The following CAD variants were observed in gnomAD, a reference collection of about 807,000 sequenced individuals.
CAD encodes multifunctional protein CAD.
In CAD, 81 loss-of-function variants were observed where a neutral mutation model predicts 237.2. That is an observed-to-expected ratio of 0.34 (90% CI 0.29 to 0.41). CAD has a LOEUF of 0.41. Among genes scored for constraint, CAD ranks in the 10% least tolerant of loss-of-function variants. CAD has a pLI of 1.00. For missense variants in CAD, 2,181 were observed against 2,951.7 expected (o/e 0.74, Z 6.05); for synonymous variants, 1,196 against 1,162.8 (o/e 1.03, Z -0.58).
chr2:27,233,834 T>C lies in CAD; in HGVS notation c.3399+26T>C. The C allele has an allele frequency of 6.2e-7, 1 of 1,610,592 alleles. No homozygotes were observed. The highest frequency in any genetic ancestry group is 8.5e-7 in the Non-Finnish European group (1 of 1,178,186). Reference sequence around the variant, plus strand: ...GTGGGAGGCTGCAGACAGTGAAGTCTCTGAGGGCATGCTGCCAGCCCTGGA... The same window carrying C: ...GTGGGAGGCTGCAGACAGTGAAGTCCCTGAGGGCATGCTGCCAGCCCTGGA... On this transcript the variant is annotated intron_variant, in intron 21 of 43. Transcript: ENST00000264705. This position sits in a 1 kb window ranked among gnomAD's most constrained non-coding sequence, Gnocchi z 6.3.
chr2:27,223,108 G>A, intron 6 of CAD, 71 bp downstream of exon 6: 1 of 1,498,832 alleles, frequency 6.7e-7, no homozygotes, highest in South Asian at 1.1e-5. Flanking sequence ...GGAATGAGAA[G>A]AGAGTTGGTG....
rs1198431979 is a variant in CAD at position 27,231,462 on chromosome 2, TTC to T, written c.2288-5_2288-4del. 6.4e-7 allele frequency: 1 copy of T among 1,557,916 alleles called. No individual in the cohort carries two copies. ...CACCTTCATTCCTTCCATTCTGTTC[TTC>T]CAGGTGAAGTCATGGGCATTGGGCG... On this transcript the variant is annotated splice_polypyrimidine_tract_variant and splice_region_variant and intron_variant, in intron 15 of 43. Coordinates refer to ENST00000264705, the MANE Select transcript of CAD (RefSeq NM_004341.5).
At position 27,222,447 on chromosome 2, in the gene CAD, G is replaced by GT. The variant is rs3214689; in HGVS notation, c.496-70dup. The GT allele has an allele frequency of 0.24, 383,258 of 1,583,846 alleles. 49,341 individuals are homozygous for GT. The highest frequency in any genetic ancestry group is 0.46 in the Admixed American group (27,147 of 59,010). ...ATCAAAGGAGGCTTTGAAGGTAGGA[G>GT]TTGGTGCAGGCATATCTTATACCCA... On this transcript the variant is annotated intron_variant, in intron 4 of 43. Transcript: ENST00000264705.
chr2:27,217,428 C>T lies in CAD; in HGVS notation c.-124C>T, dbSNP rs565252137. 1.2e-5 allele frequency: 10 copies of T among 857,572 alleles called. No homozygotes were observed. Among genetic ancestry groups the T allele is most frequent in the East Asian group, 2.8e-5 (1 of 35,916 alleles). 53.1% of individuals were successfully genotyped at this position (857,572 alleles called of 1,614,324 possible). A position where few individuals can be genotyped will look rare whatever the true frequency, so the allele number is the denominator to read the frequency against. Reference sequence around the variant, plus strand: ...TCCTACGCTGCCGCGCCCGGCTTCTCTCCAGCGCCCCGCGCCGTTAGCCAC... The same window carrying T: ...TCCTACGCTGCCGCGCCCGGCTTCTTTCCAGCGCCCCGCGCCGTTAGCCAC... On this transcript the variant is annotated 5_prime_UTR_variant, in exon 1 of 44. Transcript: ENST00000264705.
chr2:27,222,498 C>A, intron 4 of CAD, 21 bp from the exon 5 acceptor site: 1 of 1,611,540 alleles, frequency 6.2e-7, no homozygotes, highest in Non-Finnish European at 8.5e-7. Context: ...AACTGTTGCC[C>A]TTTATTCGTC....
Position 27,224,804 on chromosome 2 carries a change from C to T in CAD, c.1314C>T (p.Ala438=). Residue 438 remains alanine (A), a synonymous_variant, in exon 10 of 44, where the codon GCC becomes GCT. Coordinates refer to ENST00000264705, the MANE Select transcript of CAD (RefSeq NM_004341.5). The part of the protein sequence containing the change: ...IQTLLINPNI[A]TVQTSQGLAD... The stretch of plus-strand genomic sequence containing the variant: ...CGTTGCTGATCAACCCCAATATTGC[C>T]ACAGTGCAGACCTCCCAGGGGCTGG... The T allele has an allele frequency of 1.2e-6, 2 of 1,614,096 alleles. No individual in the cohort carries two copies. The highest frequency in any genetic ancestry group is 1.7e-6 in the Non-Finnish European group (2 of 1,179,972).
Position 27,223,897 on chromosome 2 carries a change from T to C in CAD, c.996-20T>C, listed in dbSNP as rs1275652777. 4 of 1,594,066 alleles carry C rather than the reference T, an allele frequency of 2.5e-6. No homozygotes were observed. Among genetic ancestry groups the C allele is most frequent in the Non-Finnish European group, 3.4e-6 (4 of 1,161,850 alleles). On this transcript the variant is annotated intron_variant, in intron 7 of 43. Coordinates refer to ENST00000264705, the MANE Select transcript of CAD (RefSeq NM_004341.5). ...ATGCCAGGGACCATGATGGTTTTCA[T>C]GATGCAATCTCTTCAATAGTGTCCA... is the stretch of plus-strand genomic sequence containing the variant.
Position 27,234,521 on chromosome 2 carries a change from G to T in CAD, c.3622G>T (p.Asp1208Tyr). 3 of 1,613,682 alleles carry T rather than the reference G, an allele frequency of 1.9e-6. No individual in the cohort carries two copies. In the South Asian group the frequency reaches 3.3e-5, roughly 18 times the overall value. ...TGACCAGTCTTCTCTGCCCCAGGAT[G>T]ACCAGCTGAAAGTTATTGAATGCAA... ...PFNLQLIAKD[D>Y]QLKVIECNVR... Residue 1208 changes from aspartate to tyrosine, a missense_variant, in exon 23 of 44, where the codon GAC becomes TAC. This residue lies in a region of CAD where 306 missense variants were observed against 607.9 expected (regional missense o/e 0.50). Transcript: ENST00000264705.
chr2:27,237,862 A>G lies in CAD; in HGVS notation c.4708A>G (p.Ser1570Gly), dbSNP rs756301954. 3.7e-6 allele frequency: 6 copies of G among 1,612,372 alleles called. No individual in the cohort carries two copies. The highest frequency in any genetic ancestry group is 5.1e-6 in the Non-Finnish European group (6 of 1,179,102). ...GACCTTCTCTGAGCTGCGGCTGGACAGCGTGGTCCAGTGGATGGAGGTAGG... is the reference window on the plus strand; with the variant it reads ...GACCTTCTCTGAGCTGCGGCTGGACGGCGTGGTCCAGTGGATGGAGGTAGG... ...NETFSELRLD[S>G]VVQWMEHFET... The change falls in exon 29 of 44, where the codon AGC (serine) becomes GGC (glycine). Residue 1570 changes from serine (S) to glycine (G), a missense_variant. This residue lies in a region of CAD where 478 missense variants were observed against 515.0 expected (regional missense o/e 0.93). Transcript: ENST00000264705. This position sits in a 1 kb window ranked among gnomAD's most constrained non-coding sequence, Gnocchi z 4.0.
chr2:27,218,252 A>G (rs986396923), intron 2 of CAD, among the ~76,000 whole-genome samples: 5 of 152,246 alleles, frequency 3.3e-5, no homozygotes, highest in Non-Finnish European at 7.3e-5. Flanking sequence ...AAGGGCATCA[A>G]GGCTCCAGGT....
chr2:27,239,865 A>G lies in CAD; in HGVS notation c.5496+67A>G. ...TCAGGGCAGGATGAACAGCTTGAAC[A>G]TTTTCATTGGTGGTTCAGGAACAAT... On this transcript the variant is annotated intron_variant, in intron 34 of 43. Coordinates refer to ENST00000264705, the MANE Select transcript of CAD (RefSeq NM_004341.5). The surrounding 1 kb of genome is among the most constrained non-coding windows in gnomAD (Gnocchi z 4.0). The G allele has an allele frequency of 8.9e-7, 1 of 1,128,216 alleles. No homozygotes were observed. The highest frequency in any genetic ancestry group is 1.6e-5 in the South Asian group (1 of 61,460). The allele number at this position is 1,128,216 out of a possible 1,614,324, so 69.9% of individuals were successfully genotyped here.
chr2:27,226,022 C>T (rs888641917), intron 12 of CAD, 96 bp downstream of exon 12: 3 of 1,491,168 alleles, frequency 2.0e-6, no homozygotes, highest in African/African-American at 2.8e-5. Context: ...TTGTATGTCC[C>T]TCAGACCCAG....
chr2:27,229,424 C>G (rs1341573550), intron 15 of CAD, among the ~76,000 whole-genome samples: 1 of 151,974 alleles, frequency 6.6e-6, no homozygotes, highest in African/African-American at 2.4e-5. Context: ...CACCACCACA[C>G]CTTGCTAATT....
In CAD at chr2:27,232,723, C is replaced by G; in HGVS notation, c.2892+29C>G. On this transcript the variant is annotated intron_variant, in intron 18 of 43. Coordinates refer to ENST00000264705, the MANE Select transcript of CAD (RefSeq NM_004341.5). This position sits in a 1 kb window ranked among gnomAD's most constrained non-coding sequence, Gnocchi z 4.1. ...AGAGAGTTCATTTTCTTTCCACTTT[C>G]CTTGCTATTCTGTTCATCTCTAGCA... 6.2e-7 allele frequency: 1 copy of G among 1,613,606 alleles called. No individual in the cohort carries two copies. The highest frequency in any genetic ancestry group is 8.5e-7 in the Non-Finnish European group (1 of 1,179,634).
rs1676262160 is a variant in CAD at position 27,240,474 on chromosome 2, C to T, written c.5593+113C>T. The T allele has an allele frequency of 1.3e-6, 2 of 1,487,382 alleles. No individual in the cohort carries two copies. The highest frequency in any genetic ancestry group is 2.3e-5 in the East Asian group (1 of 42,610). 92.1% of individuals were successfully genotyped at this position (1,487,382 alleles called of 1,614,324 possible). A position where few individuals can be genotyped will look rare whatever the true frequency, so the allele number is the denominator to read the frequency against. Reference sequence around the variant, plus strand: ...CTCCTCTCCATCCCTTTATCCTCGTCTGATCTGCCGTGCCATCCTTTGCCT... The same window carrying T: ...CTCCTCTCCATCCCTTTATCCTCGTTTGATCTGCCGTGCCATCCTTTGCCT... On this transcript the variant is annotated intron_variant, in intron 35 of 43. Transcript: ENST00000264705. This position sits in a 1 kb window ranked among gnomAD's most constrained non-coding sequence, Gnocchi z 4.6.
At position 27,237,150 on chromosome 2, in the gene CAD, A is replaced by G. The variant is rs1369177737; in HGVS notation, c.4397-229A>G. ...GCGATTTTCCTGCCTCAGCCTCCCA[A>G]GTAGCTGGGATTACAGGTGTGTGCT... On this transcript the variant is annotated intron_variant, in intron 27 of 43. Coordinates refer to ENST00000264705, the MANE Select transcript of CAD (RefSeq NM_004341.5). The surrounding 1 kb of genome is among the most constrained non-coding windows in gnomAD (Gnocchi z 4.0). Among the ~76,000 whole-genome samples the G allele has an allele frequency of 6.6e-6, 1 of 151,448 alleles. No individual in the cohort carries two copies. Among genetic ancestry groups the G allele is most frequent in the Non-Finnish European group, 1.5e-5 (1 of 67,912 alleles).
At chr2:27,238,770 T>C in intron 31 of CAD, 138 bp downstream of exon 31, 1 of 794,052 alleles carries the variant, frequency 1.3e-6, no homozygotes, top group South Asian at 1.9e-5. Flanking sequence ...GCCTCTAGGG[T>C]ACCTGGTCTG....
Position 27,217,484 on chromosome 2 carries a change from T to C in CAD, c.-68T>C, listed in dbSNP as rs1674919387. The C allele has an allele frequency of 1.4e-5, 19 of 1,335,292 alleles. No individual in the cohort carries two copies. Among genetic ancestry groups the C allele is most frequent in the Non-Finnish European group, 1.8e-5 (17 of 949,810 alleles). 82.7% of individuals were successfully genotyped at this position (1,335,292 alleles called of 1,614,324 possible). ...CCGACTCCGGCGCGCCGTCCTCACG[T>C]GGTTCCAGTGGAGTTTGCAGTCCTT... is the stretch of plus-strand genomic sequence containing the variant. On this transcript the variant is annotated 5_prime_UTR_variant, in exon 1 of 44. Coordinates refer to ENST00000264705, the MANE Select transcript of CAD (RefSeq NM_004341.5).
chr2:27,219,817 G>A (rs1233255306), intron 2 of CAD, among the ~76,000 whole-genome samples: 2 of 152,082 alleles, frequency 1.3e-5, no homozygotes, highest in African/African-American at 2.4e-5. Flanking sequence ...TTGAACTCCC[G>A]ATCACAGGTG....
Sources: allele counts gnomAD v4.1 joint callset (sites outside exome capture counted in the v4.1 genomes callset), GRCh38; gene constraint gnomAD v4.1.1; regional missense constraint gnomAD v4.1.1; non-coding constraint Gnocchi (gnomAD v3.1); transcripts MANE v1.5; gene names NCBI Gene and HGNC (gene_info 2026-07-23, HGNC 2026-07-21).